TP73: variants seen among roughly 807,000 people sequenced by gnomAD.
TP73 encodes the protein p53-like transcription factor.
TP73 carries 25 observed loss-of-function variants against 62.5 expected under a neutral mutation model. That is an observed-to-expected ratio of 0.40 (90% CI 0.29 to 0.56). The LOEUF (loss-of-function observed/expected upper bound fraction) is 0.56. Among genes scored for constraint, TP73 ranks in the 20% least tolerant of loss-of-function variants. The pLI is 0.46. For missense variants in TP73, 754 were observed against 913.3 expected (o/e 0.83, Z 2.25); for synonymous variants, 423 against 377.5 (o/e 1.12, Z -1.40).
intron 4 of TP73, among the ~76,000 whole-genome samples, chr1:3,716,911 C>A (rs1447035909): frequency 6.6e-6 from 1 of 152,148 alleles, no homozygotes; most frequent in Non-Finnish European, 1.5e-5. Context: ...CTCAAAGAGG[C>A]CCGTAACCCC....
chr1:3,697,062 G>A (rs781531124), intron 3 of TP73, among the ~76,000 whole-genome samples: 7 of 152,124 alleles, frequency 4.6e-5, no homozygotes, highest in Non-Finnish European at 7.4e-5. Flanking sequence ...ATCCACTCTC[G>A]CCTTTGCTCA....
chr1:3,698,735 G>T (rs530577678), intron 3 of TP73, among the ~76,000 whole-genome samples: 2 of 152,136 alleles, frequency 1.3e-5, no homozygotes, highest in Non-Finnish European at 2.9e-5. Flanking sequence ...ATGTGGGTCC[G>T]TGGAGGCCCG....
At chr1:3,678,814 G>T (rs1645435614) in intron 1 of TP73, among the ~76,000 whole-genome samples, 2 of 152,220 alleles carry the variant, frequency 1.3e-5, no homozygotes, top group South Asian at 2.1e-4. Flanking sequence ...GTGGGGAGGG[G>T]TGTCCTGGAA....
chr1:3,723,032 C>A (rs1339855194), intron 5 of TP73, among the ~76,000 whole-genome samples: 2 of 148,822 alleles, frequency 1.3e-5, no homozygotes, highest in Non-Finnish European at 1.5e-5. Context: ...GGGGTGGGCA[C>A]CTCTCTGCAC....
At chr1:3,700,171 G>A (rs975219949) in intron 3 of TP73, among the ~76,000 whole-genome samples, 1 of 152,058 alleles carries the variant, frequency 6.6e-6, no homozygotes, top group Non-Finnish European at 1.5e-5. Context: ...CCCAATGCAG[G>A]GACCAGGCTG....
chr1:3,684,842 A>C (rs1645613767), intron 3 of TP73, among the ~76,000 whole-genome samples: 1 of 148,658 alleles, frequency 6.7e-6, no homozygotes, highest in Admixed American at 6.7e-5. Context: ...GGGTGAGGAA[A>C]CCGAGGCAGA....
rs1298693210 is a variant in TP73, at chr1:3,723,354, G to C, written c.617G>C (p.Gly206Ala). ...NHELGRDFNE[G>A]QSAPASHLIR... ...CTGAAGTGTCGACCCCTCCCGGCAGGACAGTCTGCTCCAGCCAGCCACCTC... is the reference window on the plus strand; with the variant it reads ...CTGAAGTGTCGACCCCTCCCGGCAGCACAGTCTGCTCCAGCCAGCCACCTC... The change falls in exon 6 of 14, where the codon GGA becomes GCA. Residue 206 changes from glycine to alanine, a missense_variant and splice_region_variant. Gly to Ala is a moderately conservative substitution (Grantham distance 60). This residue lies in a region of TP73 where 61 missense variants were observed against 133.2 expected (regional missense o/e 0.46). Transcript: ENST00000378295. 1 of 1,612,232 alleles carries C rather than the reference G, an allele frequency of 6.2e-7. No individual in the cohort carries two copies. Among genetic ancestry groups the C allele is most frequent in the African/African-American group, 1.3e-5 (1 of 74,918 alleles).
intron 3 of TP73, among the ~76,000 whole-genome samples, chr1:3,700,555 G>A (rs4378145): frequency 0.31 from 47,677 of 152,050 alleles, 8,279 homozygotes; most frequent in Non-Finnish European, 0.38. Context: ...CCAGCACTTT[G>A]GGAGGCTGAG....
chr1:3,731,383 G>T, intron 12 of TP73, 80 bp from the exon 13 acceptor site: 1 of 1,423,034 alleles, frequency 7.0e-7, no homozygotes, highest in Non-Finnish European at 9.8e-7. Context: ...GCCCCAGCCA[G>T]GCCACTCTCA....
intron 1 of TP73, among the ~76,000 whole-genome samples, chr1:3,681,221 C>T (rs1282449244): frequency 6.6e-6 from 1 of 152,224 alleles, no homozygotes; most frequent in Non-Finnish European, 1.5e-5. Context: ...CCCCCGCTGG[C>T]CGTGGGCAGG....
In TP73 at chr1:3,663,490, C is replaced by T. The variant is rs1020543716; in HGVS notation, c.-34+10849C>T. Among the ~76,000 whole-genome samples the T allele has an allele frequency of 3.7e-4, 57 of 152,020 alleles. No homozygotes were observed. In the Middle Eastern group the frequency reaches 0.014, roughly 36 times the overall value. On this transcript the variant is annotated intron_variant, in intron 1 of 13. Transcript: ENST00000378295. This position sits in a 1 kb window ranked among gnomAD's most constrained non-coding sequence, Gnocchi z 4.7. ...CAGCACTTTGGGAGGCTGAGTCGGG[C>T]GGATCACTAGGTCAGGAGATCGAGA...
rs1352490478 is a variant in TP73 at position 3,734,880 on chromosome 1, C to T, written c.*1801C>T. 6.6e-6 allele frequency: 1 copy of T among 152,350 alleles called. No individual in the cohort carries two copies. The highest frequency in any genetic ancestry group is 2.4e-5 in the African/African-American group (1 of 41,444). 9.4% of individuals were successfully genotyped at this position (152,350 alleles called of 1,614,324 possible). ...GATCTGGCTGCAGCCAGGGCGAGGG[C>T]CTGGCCCTTCCTTCCAGCTCCTTCC... On this transcript the variant is annotated 3_prime_UTR_variant, in exon 14 of 14. Transcript: ENST00000378295. The surrounding 1 kb of genome is among the most constrained non-coding windows in gnomAD (Gnocchi z 4.4).
rs1161836866 is a variant in TP73 at position 3,672,804 on chromosome 1, T to TC, written c.-33-9523dup. On this transcript the variant is annotated intron_variant, in intron 1 of 13. Coordinates refer to ENST00000378295, the MANE Select transcript of TP73 (RefSeq NM_005427.4). The surrounding 1 kb of genome is among the most constrained non-coding windows in gnomAD (Gnocchi z 5.3). Reference sequence around the variant, plus strand: ...CACTTCCCTCCTGCCGCCAACCTCGTCCCCCCAAGGGCCATGTCCCTGCCC... The same window carrying TC: ...CACTTCCCTCCTGCCGCCAACCTCGTCCCCCCCAAGGGCCATGTCCCTGCCC... Among the ~76,000 whole-genome samples, 1 of 151,832 alleles carries TC rather than the reference T, an allele frequency of 6.6e-6. No homozygotes were observed. The highest frequency in any genetic ancestry group is 1.5e-5 in the Non-Finnish European group (1 of 67,962).
intron 1 of TP73, among the ~76,000 whole-genome samples, chr1:3,664,101 G>A (rs1645058915): frequency 6.6e-6 from 1 of 152,230 alleles, no homozygotes; most frequent in Non-Finnish European, 1.5e-5. Flanking sequence ...TGGCAGACTT[G>A]AGGTGCCCAA....
At chr1:3,690,818 G>A (rs763635667) in intron 3 of TP73, 66 of 1,540,160 alleles carry the variant, frequency 4.3e-5, no homozygotes, top group Non-Finnish European at 3.1e-5. Flanking sequence ...GGCCACGACC[G>A]TGACCCTTCC....
At chr1:3,667,749 C>CAA (rs543070938) in intron 1 of TP73, among the ~76,000 whole-genome samples, 51 of 85,446 alleles carry the variant, frequency 6.0e-4, no homozygotes, top group African/African-American at 1.4e-3. Flanking sequence ...GATTCTGTCT[C>CAA]AAAAAAAAAA....
intron 5 of TP73, among the ~76,000 whole-genome samples, chr1:3,722,442 C>T (rs1003498814): frequency 2.0e-5 from 3 of 152,234 alleles, no homozygotes; most frequent in South Asian, 2.1e-4. Context: ...TGAGGGGCAG[C>T]GGCCTTCTGG....
rs781166419 is a variant in TP73, at chr1:3,699,221, G to A, written c.187-8328G>A. 5.9e-5 allele frequency among the ~76,000 whole-genome samples: 9 copies of A among 152,140 alleles called. 1 individual carries two copies. The South Asian group carries it at 6.2e-4, about 10-fold the overall frequency. ...TCCGGGAGATGCTGTGGGAAGTACC[G>A]GCAGGACGGAGGTCTTGCCCTGGTG... On this transcript the variant is annotated intron_variant, in intron 3 of 13. Transcript: ENST00000378295. This position sits in a 1 kb window ranked among gnomAD's most constrained non-coding sequence, Gnocchi z 4.1.
intron 13 of TP73, among the ~76,000 whole-genome samples, chr1:3,732,314 C>T (rs893012414): frequency 6.6e-6 from 1 of 152,250 alleles, no homozygotes; most frequent in African/African-American, 2.4e-5. Flanking sequence ...CCGCCCTCCC[C>T]GCAACCTGTC....
Sources: allele counts gnomAD v4.1 joint callset (sites outside exome capture counted in the v4.1 genomes callset), GRCh38; gene constraint gnomAD v4.1.1; regional missense constraint gnomAD v4.1.1; non-coding constraint Gnocchi (gnomAD v3.1); transcripts MANE v1.5; gene names NCBI Gene and HGNC (gene_info 2026-07-23, HGNC 2026-07-21).